METAP2: variants seen among roughly 807,000 people sequenced by gnomAD.
METAP2 encodes methionyl aminopeptidase 2.
Under a neutral mutation model 59.4 loss-of-function variants are expected in METAP2, and 25 were observed. The observed-to-expected ratio is 0.42, with a 90% CI of 0.31 to 0.59. The LOEUF (loss-of-function observed/expected upper bound fraction) is 0.59. METAP2 is among the 20% of genes least tolerant of loss of function. METAP2 has a pLI of 0.16. For missense variants in METAP2, 366 were observed against 581.2 expected, an observed-to-expected ratio of 0.63 and a Z score of 3.81; for synonymous variants, 214 against 194.1, an observed-to-expected ratio of 1.10 and a Z score of -0.85.
chr12:95,480,344 A>G (rs1370012219), intron 2 of METAP2, among the ~76,000 whole-genome samples: 2 of 152,244 alleles, frequency 1.3e-5, no homozygotes, highest in African/African-American at 4.8e-5. Flanking sequence ...GAACATTTGC[A>G]TATGGGTCTA....
chr12:95,515,286 A>G lies in METAP2; in HGVS notation c.*1382A>G, dbSNP rs2076439197. 1 of 152,588 alleles carries G rather than the reference A, an allele frequency of 6.6e-6. No individual in the cohort carries two copies. Among genetic ancestry groups the G allele is most frequent in the East Asian group, 1.9e-4 (1 of 5,202 alleles). 9.5% of individuals were successfully genotyped at this position (152,588 alleles called of 1,614,324 possible). The stretch of plus-strand genomic sequence containing the variant: ...TATAAATGAATGTTACCTTGTCGGG[A>G]AACAATCTAGGTTTTAGCTGTATGA... On this transcript the variant is annotated 3_prime_UTR_variant, in exon 11 of 11. Coordinates refer to ENST00000323666, the MANE Select transcript of METAP2 (RefSeq NM_006838.4).
chr12:95,508,429 T>C (rs1311902567), intron 8 of METAP2, among the ~76,000 whole-genome samples: 2 of 152,184 alleles, frequency 1.3e-5, no homozygotes, highest in Non-Finnish European at 2.9e-5. Context: ...GCCAAGTTAA[T>C]TTGAGGAATT....
rs2076442514 is a variant in METAP2, at chr12:95,515,654, T to C, written c.*1750T>C. 6.6e-6 allele frequency: 1 copy of C among 152,222 alleles called. No homozygotes were observed. The allele number at this position is 152,222 out of a possible 1,614,324, so 9.4% of individuals were successfully genotyped here. A position where few individuals can be genotyped will look rare whatever the true frequency, so the allele number is the denominator to read the frequency against. ...GGAGCAATGGCATCACTGTATGCCC[T>C]TGTAATGGCTGGAAGGGACATGATC... is the stretch of plus-strand genomic sequence containing the variant. On this transcript the variant is annotated 3_prime_UTR_variant, in exon 11 of 11. Transcript: ENST00000323666.
intron 3 of METAP2, among the ~76,000 whole-genome samples, chr12:95,484,270 A>G (rs544653026): frequency 2.0e-5 from 3 of 152,148 alleles, no homozygotes; most frequent in African/African-American, 4.8e-5. Flanking sequence ...TTAGGCGTCC[A>G]TCATTACTAG....
intron 7 of METAP2, among the ~76,000 whole-genome samples, chr12:95,496,691 C>G (rs1363496011): frequency 6.6e-6 from 1 of 151,470 alleles, no homozygotes; most frequent in Non-Finnish European, 1.5e-5. Context: ...TCAACTGATT[C>G]ATCCCTCTCT....
chr12:95,495,239 C>G, intron 6 of METAP2, 101 bp downstream of exon 6: 3 of 990,666 alleles, frequency 3.0e-6, no homozygotes, highest in Non-Finnish European at 4.4e-6. Context: ...AAATTTTGTT[C>G]TTGCTTCCTC....
intron 8 of METAP2, among the ~76,000 whole-genome samples, chr12:95,505,262 T>C (rs1278067401): frequency 3.9e-5 from 6 of 152,220 alleles, no homozygotes; most frequent in Non-Finnish European, 7.3e-5. Context: ...GACCGTGCCT[T>C]CTATATAGAC....
intron 6 of METAP2, 105 bp downstream of exon 6, chr12:95,495,243 C>A: frequency 1.0e-6 from 1 of 963,624 alleles, no homozygotes; most frequent in Non-Finnish European, 1.5e-6. Flanking sequence ...TTTGTTCTTG[C>A]TTCCTCATTT....
At chr12:95,498,951 G>C (rs1297232145) in intron 7 of METAP2, among the ~76,000 whole-genome samples, 1 of 151,866 alleles carries the variant, frequency 6.6e-6, no homozygotes, top group Non-Finnish European at 1.5e-5. Context: ...GGGAGGTTGA[G>C]GCCTCAGTGA....
chr12:95,493,787 C>T (rs1183766425), intron 4 of METAP2, among the ~76,000 whole-genome samples: 2 of 152,148 alleles, frequency 1.3e-5, no homozygotes, highest in Admixed American at 6.5e-5. Flanking sequence ...GTTTTATTAT[C>T]TTTTTGTGTT....
At chr12:95,478,588 C>T (rs956803733) in intron 2 of METAP2, among the ~76,000 whole-genome samples, 4 of 151,938 alleles carry the variant, frequency 2.6e-5, no homozygotes, top group African/African-American at 7.3e-5. Flanking sequence ...GTGGAGGTTG[C>T]GCCATTGCAC....
rs60788079 is a variant in METAP2 at position 95,513,090 on chromosome 12, T to TACACACACACACACACAC, written c.1184+200_1184+217dup. On this transcript the variant is annotated intron_variant, in intron 10 of 10. Transcript: ENST00000323666. The stretch of plus-strand genomic sequence containing the variant: ...TAAACATTTTAACTGAGATAAAAAT[T>TACACACACACACACACAC]ACACACACACACACACACACACACA... 1.1e-3 allele frequency among the ~76,000 whole-genome samples: 156 copies of TACACACACACACACACAC among 136,178 alleles called. 2 individuals are homozygous for TACACACACACACACACAC. Among genetic ancestry groups the TACACACACACACACACAC allele is most frequent in the Admixed American group, 9.0e-3 (117 of 13,006 alleles). The allele number at this position is 136,178 out of a possible 152,430, so 89.3% of individuals were successfully genotyped here.
chr12:95,486,615 A>G (rs529739548), intron 4 of METAP2, among the ~76,000 whole-genome samples: 1 of 151,872 alleles, frequency 6.6e-6, no homozygotes, highest in East Asian at 1.9e-4. Context: ...CTCCTGCTCC[A>G]GCCTCCCGAG....
chr12:95,488,132 G>C (rs977922419), intron 4 of METAP2, among the ~76,000 whole-genome samples: 1 of 151,878 alleles, frequency 6.6e-6, no homozygotes. Flanking sequence ...TCTTTTGATC[G>C]TAGGCTTTAT....
At position 95,496,821 on chromosome 12, in the gene METAP2, CTT is replaced by C. The variant is rs777002045; in HGVS notation, c.867+743_867+744del. Among the ~76,000 whole-genome samples, 430 of 100,906 alleles carry C rather than the reference CTT, an allele frequency of 4.3e-3. 1 individual carries two copies. Among genetic ancestry groups the C allele is most frequent in the African/African-American group, 0.016 (412 of 25,474 alleles). The allele number at this position is 100,906 out of a possible 152,430, so 66.2% of individuals were successfully genotyped here. A position where few individuals can be genotyped will look rare whatever the true frequency, so the allele number is the denominator to read the frequency against. Reference sequence around the variant, plus strand: ...AATTTACCATATTAACTTTTTCTTTCTTTTTTTTTTTTTTTTTTTTTGAGATG... The same window carrying C: ...AATTTACCATATTAACTTTTTCTTTCTTTTTTTTTTTTTTTTTTTGAGATG... On this transcript the variant is annotated intron_variant, in intron 7 of 10. Coordinates refer to ENST00000323666, the MANE Select transcript of METAP2 (RefSeq NM_006838.4).
chr12:95,499,943 A>C (rs1025790507), intron 7 of METAP2, among the ~76,000 whole-genome samples: 1 of 152,204 alleles, frequency 6.6e-6, no homozygotes, highest in Non-Finnish European at 1.5e-5. Context: ...TCATGAGAAC[A>C]ACATGGGGGA....
chr12:95,512,423 T>C (rs1385419037), intron 9 of METAP2, among the ~76,000 whole-genome samples: 1 of 152,180 alleles, frequency 6.6e-6, no homozygotes, highest in Non-Finnish European at 1.5e-5. Flanking sequence ...ATGGTAATTG[T>C]AGGCCAGGCT....
intron 3 of METAP2, 119 bp from the exon 4 acceptor site, chr12:95,485,760 C>A: frequency 3.2e-6 from 2 of 633,510 alleles, no homozygotes; most frequent in Non-Finnish European, 5.2e-6. Flanking sequence ...TTAACTGTGG[C>A]AGCAAGGAGT....
Position 95,483,301 on chromosome 12 carries a change from T to C in METAP2, c.325+21T>C, listed in dbSNP as rs1286854386. On this transcript the variant is annotated intron_variant, in intron 3 of 10. Coordinates refer to ENST00000323666, the MANE Select transcript of METAP2 (RefSeq NM_006838.4). ...AGGACGTTAGTGTCTTAAGTTAATG[T>C]TAATTGATATATTAGAAGTGTTTAT... is the stretch of plus-strand genomic sequence containing the variant. The C allele has an allele frequency of 4.5e-6, 7 of 1,560,176 alleles. No homozygotes were observed. The African/African-American group carries it at 5.4e-5, about 12-fold the overall frequency.
Sources: allele counts gnomAD v4.1 joint callset (sites outside exome capture counted in the v4.1 genomes callset), GRCh38; gene constraint gnomAD v4.1.1; transcripts MANE v1.5; gene names NCBI Gene and HGNC (gene_info 2026-07-23, HGNC 2026-07-21).